The following ASNS variants were observed in gnomAD, a reference collection of about 807,000 sequenced individuals.
The protein encoded by ASNS is asparagine synthetase (glutamine-hydrolyzing).
Under a neutral mutation model 62.6 loss-of-function variants are expected in ASNS, and 37 were observed. The observed-to-expected ratio is 0.59, with a 90% CI of 0.45 to 0.78. The LOEUF (loss-of-function observed/expected upper bound fraction) is 0.78, where lower values mean the gene tolerates loss of function less well. Ranked by LOEUF, ASNS falls within the 30% of genes least tolerant of loss-of-function variation. The pLI, the probability that ASNS is intolerant of heterozygous loss-of-function variation, is 0.00. For missense variants in ASNS, 520 were observed against 682.4 expected (o/e 0.76, Z 2.65); for synonymous variants, 207 against 237.9 (o/e 0.87, Z 1.19).
chr7:97,895,749 C>G, the ASNS span, among the ~76,000 whole-genome samples: 1 of 152,126 alleles, frequency 6.6e-6, no homozygotes. Context: ...CAAGATTGCA[C>G]TACCGCACTC....
At chr7:97,899,440 G>C in the ASNS span, among the ~76,000 whole-genome samples, 6 of 152,296 alleles carry the variant, frequency 3.9e-5, no homozygotes, top group East Asian at 1.2e-3. Flanking sequence ...TATTTTTAAA[G>C]CCAATCAAGT....
At chr7:97,911,950 C>G in the ASNS span, among the ~76,000 whole-genome samples, 126,935 of 152,124 alleles carry the variant, frequency 0.83, 53,197 homozygotes, top group East Asian at 0.91. Flanking sequence ...AGCCAGGCTG[C>G]CTGCATTAGA....
At chr7:97,901,226 C>T in the ASNS span, among the ~76,000 whole-genome samples, 3 of 152,062 alleles carry the variant, frequency 2.0e-5, no homozygotes, top group African/African-American at 7.2e-5. Flanking sequence ...CATGGAATCT[C>T]GCTCTGTCTC....
the ASNS span, among the ~76,000 whole-genome samples, chr7:97,880,005 A>T: frequency 6.6e-6 from 1 of 152,162 alleles, no homozygotes; most frequent in Non-Finnish European, 1.5e-5. Context: ...TCCTACCCAG[A>T]AGCTTTCAAT....
At position 97,858,401 on chromosome 7, in the gene ASNS, G is replaced by A; in HGVS notation, c.780C>T (p.Gly260=). The part of the protein sequence containing the change: ...DRRIGCLLSG[G]LDSSLVAATL... ...TGGCAGCAACCAAGCTGGAGTCCAA[G>A]CCCCCTACATGCAAAAGAGGAAGTG... Residue 260 remains glycine, a synonymous_variant, in exon 7 of 13, where the codon GGC becomes GGT. Coordinates refer to ENST00000394308, the MANE Select transcript of ASNS (RefSeq NM_001673.5). 6.2e-7 allele frequency: 1 copy of A among 1,614,084 alleles called. No homozygotes were observed. The highest frequency in any genetic ancestry group is 8.5e-7 in the Non-Finnish European group (1 of 1,179,982).
chr7:97,888,326 CTTTTT>C, the ASNS span, among the ~76,000 whole-genome samples: 2 of 132,424 alleles, frequency 1.5e-5, no homozygotes, highest in Admixed American at 7.7e-5. Context: ...GGGTTGCTTT[CTTTTT>C]TTTTTTTTTT....
the ASNS span, among the ~76,000 whole-genome samples, chr7:97,894,480 C>CAAAAAAAAAAAAAAAAAAAAAAA: frequency 2.7e-5 from 1 of 36,540 alleles, no homozygotes; most frequent in Non-Finnish European, 4.6e-5. Flanking sequence ...TGAGGCTAAC[C>CAAAAAAAAAAAAAAAAAAAAAAA]AAAAAAAAAA....
chr7:97,879,484 A>G, the ASNS span, among the ~76,000 whole-genome samples: 1 of 152,228 alleles, frequency 6.6e-6, no homozygotes, highest in East Asian at 1.9e-4. Flanking sequence ...TAGGATGTTA[A>G]GTTGTCTTGC....
At position 97,853,223 on chromosome 7, in the gene ASNS, G is replaced by T. The variant is rs1258160213; in HGVS notation, c.1321-8C>A. The T allele has an allele frequency of 1.9e-5, 31 of 1,604,080 alleles. No homozygotes were observed. The highest frequency in any genetic ancestry group is 2.6e-5 in the Non-Finnish European group (31 of 1,175,164). ...ATGTTTTTCTATCCCATTCTGACGTGACAAAAAAAGGAGCATCAGGTAAAA... is the reference window on the plus strand; with the variant it reads ...ATGTTTTTCTATCCCATTCTGACGTTACAAAAAAAGGAGCATCAGGTAAAA... On this transcript the variant is annotated splice_region_variant and splice_polypyrimidine_tract_variant and intron_variant, in intron 11 of 12. Coordinates refer to ENST00000394308, the MANE Select transcript of ASNS (RefSeq NM_001673.5).
the ASNS span, among the ~76,000 whole-genome samples, chr7:97,909,848 C>A: frequency 6.6e-6 from 1 of 151,770 alleles, no homozygotes; most frequent in African/African-American, 2.4e-5. Context: ...TAACTCATGG[C>A]AAACACAACT....
chr7:97,887,440 G>A, the ASNS span, among the ~76,000 whole-genome samples: 1 of 152,240 alleles, frequency 6.6e-6, no homozygotes, highest in Non-Finnish European at 1.5e-5. Flanking sequence ...TGTCTCTGCA[G>A]TTCCTCCCAC....
rs2115649690 is a variant in ASNS, at chr7:97,858,410, A to G, written c.776-5T>C. On this transcript the variant is annotated splice_polypyrimidine_tract_variant and splice_region_variant and intron_variant, in intron 6 of 12. Transcript: ENST00000394308. ...CCAAGCTGGAGTCCAAGCCCCCTACATGCAAAAGAGGAAGTGGAAGTGTCC... is the reference window on the plus strand; with the variant it reads ...CCAAGCTGGAGTCCAAGCCCCCTACGTGCAAAAGAGGAAGTGGAAGTGTCC... 1 of 1,614,038 alleles carries G rather than the reference A, an allele frequency of 6.2e-7. No homozygotes were observed. The highest frequency in any genetic ancestry group is 8.5e-7 in the Non-Finnish European group (1 of 1,179,926).
the ASNS span, among the ~76,000 whole-genome samples, chr7:97,909,685 C>T: frequency 6.6e-5 from 10 of 152,176 alleles, no homozygotes; most frequent in South Asian, 1.9e-3. Flanking sequence ...TGGTGTTAAA[C>T]GGGAGTGAAA....
At chr7:97,854,529 GT>G in intron 10 of ASNS, 50 bp downstream of exon 10, 2 of 1,584,368 alleles carry the variant, frequency 1.3e-6, no homozygotes, top group Non-Finnish European at 1.7e-6. Flanking sequence ...GTTTTGTTTT[GT>G]TTTTGGTGTT....
chr7:97,920,012 T>A, the ASNS span, among the ~76,000 whole-genome samples: 2 of 124,854 alleles, frequency 1.6e-5, no homozygotes, highest in African/African-American at 6.6e-5. Context: ...TTGTCCTGAC[T>A]TTTTTTTTTT....
the ASNS span, chr7:97,906,774 G>A: frequency 6.6e-6 from 1 of 152,170 alleles, no homozygotes; most frequent in Non-Finnish European, 1.5e-5. Flanking sequence ...TGGAGGCTAA[G>A]GAGTCCTGGA....
At position 97,852,287 on chromosome 7, in the gene ASNS, G is replaced by C. The variant is rs563917352; in HGVS notation, c.1658C>G (p.Thr553Ser). 1 of 1,614,112 alleles carries C rather than the reference G, an allele frequency of 6.2e-7. No homozygotes were observed. The highest frequency in any genetic ancestry group is 1.7e-5 in the Admixed American group (1 of 59,980). ...NATDPSARTL[T>S]HYKSAVKA is the part of the protein sequence containing the mutation. Reference sequence around the variant, plus strand: ...AGCTTTGACAGCTGACTTGTAGTGGGTCAGCGTGCGGGCAGAAGGGTCAGT... The same window carrying C: ...AGCTTTGACAGCTGACTTGTAGTGGCTCAGCGTGCGGGCAGAAGGGTCAGT... Residue 553 changes from threonine (T) to serine (S), a missense_variant, in exon 13 of 13, where the codon ACC becomes AGC. By Grantham distance (58) the Thr-to-Ser change is moderately conservative. Transcript: ENST00000394308.
chr7:97,858,788 G>C, intron 6 of ASNS, 66 bp downstream of exon 6: 1 of 1,416,186 alleles, frequency 7.1e-7, no homozygotes, highest in Non-Finnish European at 9.7e-7. Flanking sequence ...AAACCAAAGG[G>C]ATGGCTACAA....
Position 97,858,382 on chromosome 7 carries a change from C to G in ASNS, c.799G>C (p.Ala267Pro), listed in dbSNP as rs759755070. 5.6e-6 allele frequency: 9 copies of G among 1,614,160 alleles called. No homozygotes were observed. In the South Asian group the frequency reaches 9.9e-5, roughly 18 times the overall value. ...LSGGLDSSLV[A>P]ATLLKQLKEA... Reference sequence around the variant, plus strand: ...TTCAGCTGCTTCAACAGAGTGGCAGCAACCAAGCTGGAGTCCAAGCCCCCT... The same window carrying G: ...TTCAGCTGCTTCAACAGAGTGGCAGGAACCAAGCTGGAGTCCAAGCCCCCT... The change falls in exon 7 of 13, where the codon GCT becomes CCT. Residue 267 changes from alanine (A) to proline (P), a missense_variant. Ala to Pro is a conservative substitution (Grantham distance 27). Transcript: ENST00000394308.
Sources: gnomAD v4.1 joint callset for allele counts (sites outside exome capture counted in the v4.1 genomes callset) on GRCh38, gnomAD v4.1.1 for gene constraint, MANE v1.5 for transcripts, NCBI Gene and HGNC (gene_info 2026-07-23, HGNC 2026-07-21) for gene names.